FGF13: variants seen among roughly 807,000 people sequenced by gnomAD.
FGF13 encodes fibroblast growth factor 13.
FGF13 carries 2 observed loss-of-function variants against 19.5 expected under a neutral mutation model. The observed-to-expected ratio is 0.10, with a 90% CI of 0.04 to 0.32. FGF13 has a LOEUF of 0.32. Ranked by LOEUF, FGF13 falls within the 10% of genes least tolerant of loss-of-function variation. FGF13 has a pLI of 1.00. For synonymous variants in FGF13, 72 were observed against 76.9 expected (o/e 0.94, Z 0.33); for missense variants, 113 against 192.7 (o/e 0.59, Z 2.45).
At chrX:139,200,591 G>A (rs1314226073) in intron 1 of FGF13, among the ~76,000 whole-genome samples, 1 of 111,989 alleles carries the variant, frequency 8.9e-6, no homozygotes, top group African/African-American at 3.2e-5. Context: ...CTCACCAAGA[G>A]AACCCACAGC....
chrX:139,186,131 T>C, intron 1 of FGF13, among the ~76,000 whole-genome samples: 1 of 112,006 alleles, frequency 8.9e-6, no homozygotes, highest in South Asian at 3.8e-4. Flanking sequence ...CTATGTACCT[T>C]AGAAGCAAAG....
chrX:139,121,525 G>A (rs5929975), intron 1 of FGF13, among the ~76,000 whole-genome samples: 2,230 of 111,006 alleles, frequency 0.02, 20 homozygotes, highest in Non-Finnish European at 0.031. Context: ...AGCTTCCTGA[G>A]TAGCTGGGAC....
intron 1 of FGF13, among the ~76,000 whole-genome samples, chrX:138,952,443 C>G (rs1315474641): frequency 8.9e-6 from 1 of 112,195 alleles, no homozygotes; most frequent in South Asian, 3.7e-4. Flanking sequence ...GGATTAAAGA[C>G]TTAAATGTTA....
At chrX:138,863,677 G>A (rs1425724402) in intron 2 of FGF13, among the ~76,000 whole-genome samples, 1 of 111,982 alleles carries the variant, frequency 8.9e-6, no homozygotes, top group Non-Finnish European at 1.9e-5. Context: ...CTATGAAGCG[G>A]TAATAAATGA....
chrX:138,942,734 T>A (rs185506853), intron 1 of FGF13, among the ~76,000 whole-genome samples: 7 of 111,838 alleles, frequency 6.3e-5, no homozygotes, highest in African/African-American at 1.6e-4. Context: ...GTATTTTCTA[T>A]CTCTTTAGTT....
intron 3 of FGF13, among the ~76,000 whole-genome samples, chrX:138,760,396 C>T (rs371556706): frequency 5.4e-5 from 6 of 111,368 alleles, no homozygotes; most frequent in African/African-American, 9.8e-5. Flanking sequence ...TCTTCCCCTT[C>T]GTTTGAGTTC....
intron 3 of FGF13, among the ~76,000 whole-genome samples, chrX:138,636,025 T>C (rs1316515480): frequency 8.9e-6 from 1 of 112,302 alleles, no homozygotes; most frequent in African/African-American, 3.2e-5. Context: ...GGGTTCAATA[T>C]GAGAAAATAA....
chrX:139,126,008 G>A (rs932709105), intron 1 of FGF13, among the ~76,000 whole-genome samples: 10 of 111,792 alleles, frequency 8.9e-5, no homozygotes, highest in Non-Finnish European at 7.5e-5. Flanking sequence ...TCACTTCACC[G>A]CTGTGAGACT....
intron 1 of FGF13, among the ~76,000 whole-genome samples, chrX:138,976,735 C>CA (rs1491073608): frequency 9.1e-5 from 1 of 10,957 alleles, no homozygotes; most frequent in Non-Finnish European, 4.4e-4. Context: ...AAATTTTCTG[C>CA]AAAAAAGCCC....
intron 1 of FGF13, among the ~76,000 whole-genome samples, chrX:138,959,444 T>C (rs1201025409): frequency 8.9e-6 from 1 of 112,135 alleles, no homozygotes; most frequent in African/African-American, 3.2e-5. Context: ...CTTCTAACTA[T>C]GTGGTCAATT....
At chrX:139,081,823 T>C (rs1019224537) in intron 1 of FGF13, among the ~76,000 whole-genome samples, 2 of 111,032 alleles carry the variant, frequency 1.8e-5, no homozygotes, top group Non-Finnish European at 1.9e-5. Flanking sequence ...CTACTATGAC[T>C]ACACTACTTC....
chrX:138,992,168 T>C (rs1431769360), intron 1 of FGF13, among the ~76,000 whole-genome samples: 1 of 111,099 alleles, frequency 9.0e-6, no homozygotes, highest in Non-Finnish European at 1.9e-5. Context: ...TGTCTTTTTT[T>C]CCCTTTTCTA....
intron 1 of FGF13, among the ~76,000 whole-genome samples, chrX:139,173,924 G>A (rs1294616559): frequency 6.3e-5 from 7 of 111,795 alleles, no homozygotes; most frequent in Non-Finnish European, 1.3e-4. Flanking sequence ...CCCAGCAATG[G>A]GATTGGTGGG....
At chrX:138,988,685 C>A (rs1407896365) in intron 1 of FGF13, among the ~76,000 whole-genome samples, 2 of 112,105 alleles carry the variant, frequency 1.8e-5, no homozygotes, top group African/African-American at 3.2e-5. Flanking sequence ...ACACAAACAT[C>A]ATTTACTACT....
Position 138,619,074 on chromosome X carries a change from A to T in FGF13, c.*13776T>A, listed in dbSNP as rs2088992717. ...CACCGAAGAAACTCAGTAATTTTCC[A>T]GTTGCCAACAAAAAAAAATGGAGAT... On this transcript the variant is annotated 3_prime_UTR_variant, in exon 5 of 5. Transcript: ENST00000315930. 9.4e-6 allele frequency: 1 copy of T among 106,598 alleles called. No homozygotes were observed. The highest frequency in any genetic ancestry group is 2.0e-5 in the Non-Finnish European group (1 of 51,247). The allele number at this position is 106,598 out of a possible 1,213,427, so 8.8% of individuals were successfully genotyped here.
At chrX:138,780,272 C>G (rs767537081) in intron 3 of FGF13, among the ~76,000 whole-genome samples, 1,600 of 103,067 alleles carry the variant, frequency 0.016, 34 homozygotes, top group African/African-American at 0.054. Flanking sequence ...AGCAAAATAA[C>G]CAGCTAACAT....
intron 1 of FGF13, among the ~76,000 whole-genome samples, chrX:138,954,340 A>G (rs2091830670): frequency 8.9e-6 from 1 of 111,937 alleles, no homozygotes; most frequent in Non-Finnish European, 1.9e-5. Context: ...AGCATAATGA[A>G]TAAGTCACTG....
intron 1 of FGF13, among the ~76,000 whole-genome samples, chrX:138,899,959 T>C (rs901784081): frequency 9.0e-6 from 1 of 111,042 alleles, no homozygotes; most frequent in African/African-American, 3.3e-5. Context: ...TAAGTGTCTA[T>C]GCGTGTGAGT....
chrX:138,926,578 T>C (rs1165138023), intron 1 of FGF13, among the ~76,000 whole-genome samples: 1 of 111,604 alleles, frequency 9.0e-6, no homozygotes. Flanking sequence ...TTTGGTCCAA[T>C]AGACATCTAA....
Sources: allele counts gnomAD v4.1 joint callset (sites outside exome capture counted in the v4.1 genomes callset), GRCh38; gene constraint gnomAD v4.1.1; transcripts MANE v1.5; gene names NCBI Gene and HGNC (gene_info 2026-07-23, HGNC 2026-07-21).